The following PDXDC1 variants were observed in gnomAD, a reference collection of about 807,000 sequenced individuals.
PDXDC1 encodes pyridoxal dependent decarboxylase domain containing 1, also known as pyridoxal-dependent decarboxylase domain-containing protein 1.
In PDXDC1, 42 loss-of-function variants were observed where a neutral mutation model predicts 100.1. The ratio of observed to expected loss-of-function variants is 0.42; its 90% CI spans 0.33 to 0.54. PDXDC1 has a LOEUF of 0.54. Among genes scored for constraint, PDXDC1 ranks in the 20% least tolerant of loss-of-function variants. The pLI is 0.10. For synonymous variants in PDXDC1, 260 were observed against 371.7 expected (o/e 0.70, Z 3.46); for missense variants, 636 against 979.2 (o/e 0.65, Z 4.68).
chr16:15,014,575 ATTT>A (rs570238625), intron 8 of PDXDC1, among the ~76,000 whole-genome samples: 2 of 150,648 alleles, frequency 1.3e-5, no homozygotes, highest in African/African-American at 2.4e-5. Context: ...GTCTGTTAAG[ATTT>A]TTTTTTTTTA....
intron 1 of PDXDC1, among the ~76,000 whole-genome samples, chr16:14,987,827 GT>G (rs1481543596): frequency 6.6e-6 from 1 of 152,264 alleles, no homozygotes; most frequent in Non-Finnish European, 1.5e-5. Flanking sequence ...GGCCAGGCTG[GT>G]CTCAAGCACC....
In PDXDC1 at chr16:15,036,266, C is replaced by T. The variant is rs1178563222; in HGVS notation, c.2358C>T (p.Ser786=). ...DDHSQVEGPE[S]LR ...ACTCACAGGTAGAAGGACCGGAGAG[C>T]TTAAGATGAGACTCATTGTGTGGTT... is the stretch of plus-strand genomic sequence containing the variant. Residue 786 remains serine, a synonymous_variant, in exon 23 of 23, where the codon AGC becomes AGT. Transcript: ENST00000396410. 1 of 1,613,456 alleles carries T rather than the reference C, an allele frequency of 6.2e-7. No homozygotes were observed. The highest frequency in any genetic ancestry group is 1.1e-5 in the South Asian group (1 of 91,042).
At chr16:15,063,684 G>A in intron 16 of PDXDC1, among the ~76,000 whole-genome samples, 1 of 113,006 alleles carries the variant, frequency 8.8e-6, no homozygotes. Context: ...CAGCCTGGGA[G>A]ACAGAGCAAG....
Position 15,035,474 on chromosome 16 carries a change from A to G in PDXDC1, c.2028A>G (p.Ile676Met). 6.2e-6 allele frequency: 10 copies of G among 1,611,086 alleles called. No individual in the cohort carries two copies. Among genetic ancestry groups the G allele is most frequent in the Non-Finnish European group, 8.5e-6 (10 of 1,178,828 alleles). The part of the protein sequence containing the change: ...TAGSLESTEP[I>M]YVYKAQGAGV... ...GCTCTCTGGAGTCCACAGAACCCAT[A>G]TATGTCTACAAAGCACAAGGTGCAG... Residue 676 changes from isoleucine to methionine, a missense_variant, in exon 22 of 23, where the codon ATA becomes ATG. Ile to Met is a conservative substitution (Grantham distance 10). Coordinates refer to ENST00000396410, the MANE Select transcript of PDXDC1 (RefSeq NM_015027.4).
downstream of PDXDC1, chr16:15,041,489 C>T: frequency 4.0e-6 from 3 of 756,484 alleles, no homozygotes; most frequent in South Asian, 4.3e-5. Flanking sequence ...GCCATCCCAC[C>T]ACAGGAAGAG....
intron 16 of PDXDC1, chr16:15,123,622 T>C: frequency 1.7e-6 from 1 of 589,422 alleles, no homozygotes; most frequent in Non-Finnish European, 2.9e-6. Flanking sequence ...ATGGTACATT[T>C]ACAAAAATTA....
chr16:15,057,348 A>T (rs1360562060), intron 16 of PDXDC1, among the ~76,000 whole-genome samples: 1 of 152,224 alleles, frequency 6.6e-6, no homozygotes, highest in African/African-American at 2.4e-5. Flanking sequence ...CAAATGTAGG[A>T]GCTACTATCA....
chr16:15,132,745 G>A (rs1235500509), intron 16 of PDXDC1: 5 of 1,111,470 alleles, frequency 4.5e-6, no homozygotes, highest in East Asian at 2.3e-5. Context: ...GCGCAGCAGC[G>A]ATCTGCTGGA....
At chr16:15,084,235 C>T (rs2045825384) in intron 16 of PDXDC1, among the ~76,000 whole-genome samples, 1 of 152,028 alleles carries the variant, frequency 6.6e-6, no homozygotes, top group Non-Finnish European at 1.5e-5. Flanking sequence ...AACAAATAAT[C>T]AACGGACAGA....
At chr16:15,143,192 G>A (rs1288341380), downstream of PDXDC1, among the ~76,000 whole-genome samples, 1 of 152,150 alleles carries the variant, frequency 6.6e-6, no homozygotes, top group Non-Finnish European at 1.5e-5. Context: ...CCTAGCGTGG[G>A]ACCCAGCGGG....
At chr16:15,042,786 G>A (rs1320356702), downstream of PDXDC1, among the ~76,000 whole-genome samples, 2 of 151,582 alleles carry the variant, frequency 1.3e-5, no homozygotes, top group Non-Finnish European at 2.9e-5. Context: ...AGGCTGGAGT[G>A]CAGTGGTGTG....
At chr16:15,029,818 A>C in intron 15 of PDXDC1, 133 bp from the exon 16 acceptor site, 1 of 719,512 alleles carries the variant, frequency 1.4e-6, no homozygotes, top group Non-Finnish European at 2.3e-6. Context: ...TGCTCTAAGT[A>C]ATCAGACAGT....
chr16:15,149,897 T>C, the PDXDC1 span, among the ~76,000 whole-genome samples: 2 of 152,052 alleles, frequency 1.3e-5, no homozygotes, highest in African/African-American at 2.4e-5. Context: ...AACGACCAAT[T>C]TACAAGAAAC....
At chr16:14,988,131 G>A (rs1450102237) in intron 1 of PDXDC1, 112 of 1,357,628 alleles carry the variant, frequency 8.2e-5, no homozygotes, top group Admixed American at 2.5e-4. Flanking sequence ...TCGCTTCTGC[G>A]TCACTGGTTT....
intron 16 of PDXDC1, chr16:15,127,851 C>T (rs1341933617): frequency 5.7e-6 from 9 of 1,565,858 alleles, no homozygotes; most frequent in African/African-American, 2.7e-5. Context: ...AGCCGCACTG[C>T]AGCTCAGCCA....
rs146828290 is a variant in PDXDC1 at position 15,104,948 on chromosome 16, A to G, written c.1400-33931A>G. The stretch of plus-strand genomic sequence containing the variant: ...AGTACTGCCGACAGCTGGGGGGTAA[A>G]GAAAAGTCACTGGGACACACTGTTG... On this transcript the variant is annotated intron_variant, in intron 16 of 16. Coordinates refer to the PDXDC1 transcript ENST00000535621. 9.2e-3 allele frequency among the ~76,000 whole-genome samples: 1,405 copies of G among 152,156 alleles called. 24 individuals carry two copies. Among genetic ancestry groups the G allele is most frequent in the African/African-American group, 0.032 (1,314 of 41,504 alleles).
chr16:15,104,932 G>A (rs1378397100), intron 16 of PDXDC1, among the ~76,000 whole-genome samples: 2 of 152,044 alleles, frequency 1.3e-5, no homozygotes, highest in Non-Finnish European at 2.9e-5. Flanking sequence ...GAGTACTGCC[G>A]ACAGCTGGGG....
intron 14 of PDXDC1, among the ~76,000 whole-genome samples, chr16:15,027,229 C>T (rs8044633): frequency 1.1e-3 from 175 of 152,344 alleles, no homozygotes; most frequent in African/African-American, 3.8e-3. Context: ...GTTCCCTTGT[C>T]CCCCTCGCAG....
At chr16:15,146,629 A>C in the PDXDC1 span, among the ~76,000 whole-genome samples, 1 of 152,106 alleles carries the variant, frequency 6.6e-6, no homozygotes, top group Non-Finnish European at 1.5e-5. Flanking sequence ...GGGGTCCATA[A>C]GAGTCCACCC....
Sources: allele counts gnomAD v4.1 joint callset (sites outside exome capture counted in the v4.1 genomes callset), GRCh38; gene constraint gnomAD v4.1.1; transcripts MANE v1.5; gene names NCBI Gene and HGNC (gene_info 2026-07-23, HGNC 2026-07-21).